The following POU6F2 variants were observed in gnomAD, a reference collection of about 807,000 sequenced individuals.
POU6F2 encodes the protein POU domain, class 6, transcription factor 2.
Under a neutral mutation model 71.3 loss-of-function variants are expected in POU6F2, and 31 were observed. That is an observed-to-expected ratio of 0.43 (90% CI 0.33 to 0.59). The LOEUF is 0.59. POU6F2 is among the 20% of genes least tolerant of loss of function. The pLI, the probability that POU6F2 is intolerant of heterozygous loss-of-function variation, is 0.04. For synonymous variants in POU6F2, 347 were observed against 355.7 expected (o/e 0.98, Z 0.27); for missense variants, 783 against 856.8 (o/e 0.91, Z 1.07).
intron 2 of POU6F2, among the ~76,000 whole-genome samples, chr7:39,164,428 G>C (rs1242299193): frequency 7.8e-6 from 1 of 128,182 alleles, no homozygotes; most frequent in Non-Finnish European, 1.7e-5. Flanking sequence ...CCATCCCAGA[G>C]TTCCACCTAC....
intron 4 of POU6F2, among the ~76,000 whole-genome samples, chr7:39,271,144 T>C (rs1784332157): frequency 6.6e-6 from 1 of 152,170 alleles, no homozygotes. Flanking sequence ...CTAAGAATGG[T>C]TTTTACATTT....
intron 7 of POU6F2, 96 bp from the exon 8 acceptor site, chr7:39,451,437 T>G (rs1315714236): frequency 7.9e-7 from 1 of 1,271,990 alleles, no homozygotes; most frequent in Non-Finnish European, 1.1e-6. Flanking sequence ...TTCTTGGAAA[T>G]AAAATGATTC....
At chr7:39,287,479 T>C (rs1179240406) in intron 4 of POU6F2, among the ~76,000 whole-genome samples, 1 of 152,132 alleles carries the variant, frequency 6.6e-6, no homozygotes, top group African/African-American at 2.4e-5. Context: ...CATCAAAAAA[T>C]GGGGAAAGTC....
At chr7:39,260,452 T>A (rs1784113000) in intron 4 of POU6F2, among the ~76,000 whole-genome samples, 2 of 144,682 alleles carry the variant, frequency 1.4e-5, no homozygotes, top group East Asian at 4.2e-4. Flanking sequence ...TACACATACA[T>A]ACCACACACA....
Position 39,467,986 on chromosome 7 carries a change from A to G in POU6F2, c.*3300A>G, listed in dbSNP as rs1449688357. ...AAAAAGAAATACAAACTGTTCATCA[A>G]TGTTTTACCTCAGCACTCTACTTGT... On this transcript the variant is annotated 3_prime_UTR_variant, in exon 10 of 10. Coordinates refer to ENST00000518318, the MANE Select transcript of POU6F2 (RefSeq NM_001370959.1). 2.0e-5 allele frequency: 3 copies of G among 152,164 alleles called. No homozygotes were observed. The highest frequency in any genetic ancestry group is 6.5e-5 in the Admixed American group (1 of 15,276). 9.4% of individuals were successfully genotyped at this position (152,164 alleles called of 1,614,324 possible). A position where few individuals can be genotyped will look rare whatever the true frequency, so the allele number is the denominator to read the frequency against.
At chr7:39,007,251 G>C (rs1171741689) in intron 1 of POU6F2, among the ~76,000 whole-genome samples, 1 of 152,076 alleles carries the variant, frequency 6.6e-6, no homozygotes, top group African/African-American at 2.4e-5. Context: ...AGGTAGATGT[G>C]GCTTTTATGG....
chr7:39,269,101 T>C (rs1784300289), intron 4 of POU6F2, among the ~76,000 whole-genome samples: 1 of 152,344 alleles, frequency 6.6e-6, no homozygotes, highest in African/African-American at 2.4e-5. Flanking sequence ...AGGGGTTATA[T>C]TGATTTTTTT....
intron 1 of POU6F2, among the ~76,000 whole-genome samples, chr7:39,019,527 A>G (rs1038340250): frequency 1.3e-5 from 2 of 151,286 alleles, no homozygotes; most frequent in African/African-American, 4.9e-5. Context: ...TTCATTCACT[A>G]CTCCTTTGAT....
intron 4 of POU6F2, among the ~76,000 whole-genome samples, chr7:39,235,797 G>A (rs1470999903): frequency 6.6e-6 from 1 of 152,128 alleles, no homozygotes; most frequent in Admixed American, 6.5e-5. Context: ...TCATATGCAT[G>A]GTGCCCATCA....
At chr7:39,244,159 A>C (rs1484397822) in intron 4 of POU6F2, among the ~76,000 whole-genome samples, 1 of 152,220 alleles carries the variant, frequency 6.6e-6, no homozygotes, top group Non-Finnish European at 1.5e-5. Context: ...TCATATAAAA[A>C]AAACATTTTT....
At chr7:39,224,448 C>A (rs570412647) in intron 4 of POU6F2, among the ~76,000 whole-genome samples, 1 of 151,344 alleles carries the variant, frequency 6.6e-6, no homozygotes, top group Non-Finnish European at 1.5e-5. Flanking sequence ...CAGGTTATGT[C>A]TTGGGCAGTT....
At chr7:39,174,963 T>C (rs1379708121) in intron 2 of POU6F2, among the ~76,000 whole-genome samples, 1 of 152,168 alleles carries the variant, frequency 6.6e-6, no homozygotes, top group Non-Finnish European at 1.5e-5. Context: ...ACTCTTTATT[T>C]CTCTTCTCCT....
intron 5 of POU6F2, among the ~76,000 whole-genome samples, chr7:39,356,717 A>C (rs1266683189): frequency 6.6e-6 from 1 of 152,224 alleles, no homozygotes; most frequent in Non-Finnish European, 1.5e-5. Flanking sequence ...CTTGACGAAG[A>C]TAACGATGAC....
chr7:39,366,027 T>A (rs73386436), intron 5 of POU6F2, among the ~76,000 whole-genome samples: 1,716 of 152,284 alleles, frequency 0.011, 23 homozygotes, highest in African/African-American at 0.04. Context: ...GGAAGAACTC[T>A]AGGGGATGGG....
chr7:39,017,134 C>G (rs1789574137), intron 1 of POU6F2, among the ~76,000 whole-genome samples: 1 of 152,148 alleles, frequency 6.6e-6, no homozygotes, highest in African/African-American at 2.4e-5. Flanking sequence ...GTCCTCTTCC[C>G]TATCCCATGG....
intron 2 of POU6F2, among the ~76,000 whole-genome samples, chr7:39,197,901 G>A (rs767751844): frequency 2.0e-5 from 3 of 152,082 alleles, no homozygotes; most frequent in Non-Finnish European, 4.4e-5. Context: ...GCCTGGAGCT[G>A]GCCTGTGGGA....
chr7:39,247,333 C>T (rs901911537), intron 4 of POU6F2, among the ~76,000 whole-genome samples: 1 of 151,936 alleles, frequency 6.6e-6, no homozygotes, highest in African/African-American at 2.4e-5. Flanking sequence ...CGTCTGTGAT[C>T]CTAGCTACTC....
At chr7:39,081,923 GCAGCTTTAC>G (rs1244050260) in intron 1 of POU6F2, among the ~76,000 whole-genome samples, 2 of 152,182 alleles carry the variant, frequency 1.3e-5, no homozygotes, top group Non-Finnish European at 2.9e-5. Context: ...GTTTGAAAAT[GCAGCTTTAC>G]CACTTAGCTG....
intron 5 of POU6F2, among the ~76,000 whole-genome samples, chr7:39,372,902 GATAATA>G (rs145782806): frequency 6.6e-6 from 1 of 150,730 alleles, no homozygotes; most frequent in African/African-American, 2.4e-5. Flanking sequence ...TAATAGTAAG[GATAATA>G]ATAATAATAA....
Sources: allele counts gnomAD v4.1 joint callset (sites outside exome capture counted in the v4.1 genomes callset), GRCh38; gene constraint gnomAD v4.1.1; transcripts MANE v1.5; gene names NCBI Gene and HGNC (gene_info 2026-07-23, HGNC 2026-07-21).